The following PLCE1 variants were observed in gnomAD, a reference collection of about 807,000 sequenced individuals.
The protein encoded by PLCE1 is 1-phosphatidylinositol 4,5-bisphosphate phosphodiesterase epsilon-1.
In PLCE1, 119 loss-of-function variants were observed where a neutral mutation model predicts 242.8. The observed-to-expected ratio is 0.49, with a 90% CI of 0.42 to 0.57. The LOEUF (loss-of-function observed/expected upper bound fraction) is 0.57. Among genes scored for constraint, PLCE1 ranks in the 20% least tolerant of loss-of-function variants. The pLI is 0.00. For synonymous variants in PLCE1, 945 were observed against 1,017.4 expected, an observed-to-expected ratio of 0.93 and a Z score of 1.35; for missense variants, 2,441 against 2,788.8, an observed-to-expected ratio of 0.88 and a Z score of 2.81.
chr10:94,075,581 G>T (rs2044475972), intron 2 of PLCE1, among the ~76,000 whole-genome samples: 1 of 152,192 alleles, frequency 6.6e-6, no homozygotes. Context: ...GAAAGCATTG[G>T]TATCGGTGTC....
intron 4 of PLCE1, among the ~76,000 whole-genome samples, chr10:94,190,154 C>G (rs1282961755): frequency 3.3e-5 from 5 of 152,142 alleles, no homozygotes; most frequent in South Asian, 2.1e-4. Context: ...GTAGTGCCCC[C>G]CTGTGATCCC....
At chr10:94,108,576 G>C (rs536979956) in intron 2 of PLCE1, 2 of 152,378 alleles carry the variant, frequency 1.3e-5, no homozygotes, top group African/African-American at 4.8e-5. Context: ...GGTGCCTGCT[G>C]CATGGCGAAG....
chr10:94,014,084 C>G (rs1318906332), intron 1 of PLCE1, among the ~76,000 whole-genome samples: 1 of 152,120 alleles, frequency 6.6e-6, no homozygotes, highest in Non-Finnish European at 1.5e-5. Context: ...TATACACAGC[C>G]AGCTCAAAAC....
intron 2 of PLCE1, among the ~76,000 whole-genome samples, chr10:94,033,273 A>G (rs1288492462): frequency 1.3e-5 from 2 of 152,016 alleles, no homozygotes; most frequent in African/African-American, 2.4e-5. Flanking sequence ...ATACTTATGC[A>G]TATATTGGAT....
intron 1 of PLCE1, among the ~76,000 whole-genome samples, chr10:94,015,320 C>G (rs1419923205): frequency 6.6e-6 from 1 of 151,746 alleles, no homozygotes; most frequent in Non-Finnish European, 1.5e-5. Flanking sequence ...GGAAAGCAAC[C>G]AAGGTTATTA....
intron 1 of PLCE1, among the ~76,000 whole-genome samples, chr10:94,010,407 G>C (rs1304020642): frequency 6.6e-6 from 1 of 152,194 alleles, no homozygotes; most frequent in Non-Finnish European, 1.5e-5. Flanking sequence ...TTTTCCTGTT[G>C]TCTAGGATAT....
At chr10:94,018,903 A>G (rs114226502) in intron 1 of PLCE1, among the ~76,000 whole-genome samples, 74 of 152,328 alleles carry the variant, frequency 4.9e-4, no homozygotes, top group African/African-American at 1.7e-3. Context: ...AATATCCTAC[A>G]CAAAACAGTA....
At chr10:94,221,196 T>C (rs2049731697) in intron 4 of PLCE1, among the ~76,000 whole-genome samples, 1 of 152,218 alleles carries the variant, frequency 6.6e-6, no homozygotes, top group African/African-American at 2.4e-5. Flanking sequence ...GCCTGATTTC[T>C]CAGTCTGAGG....
At chr10:94,059,439 G>A (rs1176561249) in intron 2 of PLCE1, among the ~76,000 whole-genome samples, 2 of 152,178 alleles carry the variant, frequency 1.3e-5, no homozygotes, top group Non-Finnish European at 2.9e-5. Flanking sequence ...GAACCAGTGG[G>A]AACACCTGGG....
At chr10:94,188,325 C>G (rs993233865) in intron 4 of PLCE1, among the ~76,000 whole-genome samples, 3 of 152,094 alleles carry the variant, frequency 2.0e-5, no homozygotes, top group Admixed American at 6.6e-5. Context: ...TAATTTTTAG[C>G]TATGGAAACC....
intron 27 of PLCE1, among the ~76,000 whole-genome samples, chr10:94,311,933 A>G (rs1487209610): frequency 1.3e-5 from 2 of 152,132 alleles, no homozygotes; most frequent in Non-Finnish European, 2.9e-5. Context: ...AGACTCTTAG[A>G]AAGCAGAGAG....
intron 5 of PLCE1, among the ~76,000 whole-genome samples, chr10:94,232,131 G>C (rs754180512): frequency 6.6e-6 from 1 of 152,200 alleles, no homozygotes; most frequent in Non-Finnish European, 1.5e-5. Context: ...GGGAAGAATA[G>C]AGTATGTGCT....
At chr10:94,034,858 C>G (rs1206179505) in intron 2 of PLCE1, among the ~76,000 whole-genome samples, 1 of 152,162 alleles carries the variant, frequency 6.6e-6, no homozygotes, top group African/African-American at 2.4e-5. Context: ...TTGATCAGGA[C>G]ATTTCAGGAA....
intron 22 of PLCE1, among the ~76,000 whole-genome samples, chr10:94,287,844 G>A (rs1224437465): frequency 6.6e-6 from 1 of 151,750 alleles, no homozygotes; most frequent in South Asian, 2.1e-4. Context: ...TACATACACT[G>A]CCGTCTTTCT....
In PLCE1 at chr10:94,229,201, C is replaced by CAAAA. The variant is rs35857376; in HGVS notation, c.1955+1756_1955+1759dup. On this transcript the variant is annotated intron_variant, in intron 5 of 32. Coordinates refer to ENST00000371380, the MANE Select transcript of PLCE1 (RefSeq NM_016341.4). ...TGTATCAAAAAACAAAACAAACAAACAAAAAAAAACAGAAAAAAGAAAATA... is the reference window on the plus strand; with the variant it reads ...TGTATCAAAAAACAAAACAAACAAACAAAAAAAAAAAAACAGAAAAAAGAAAATA... Among the ~76,000 whole-genome samples the CAAAA allele has an allele frequency of 1.7e-3, 260 of 148,656 alleles. 3 individuals are homozygous for CAAAA. The highest frequency in any genetic ancestry group is 2.5e-3 in the Admixed American group (38 of 14,994).
At chr10:94,148,358 T>C (rs2047178607) in intron 3 of PLCE1, among the ~76,000 whole-genome samples, 1 of 152,170 alleles carries the variant, frequency 6.6e-6, no homozygotes, top group African/African-American at 2.4e-5. Context: ...CTGGAATGGA[T>C]GTCCTGGTTT....
In PLCE1 at chr10:94,331,296, A is replaced by G. The variant is rs1488315098; in HGVS notation, c.*3353A>G. 1 of 152,092 alleles carries G rather than the reference A, an allele frequency of 6.6e-6. No individual in the cohort carries two copies. The highest frequency in any genetic ancestry group is 1.9e-4 in the East Asian group (1 of 5,184). 9.4% of individuals were successfully genotyped at this position (152,092 alleles called of 1,614,324 possible). A position where few individuals can be genotyped will look rare whatever the true frequency, so the allele number is the denominator to read the frequency against. On this transcript the variant is annotated 3_prime_UTR_variant, in exon 33 of 33. Coordinates refer to ENST00000371380, the MANE Select transcript of PLCE1 (RefSeq NM_016341.4). ...CATTAATGAAAGTGGGCCCTCTATG[A>G]TATGTATCAATTTACCTTTTGCTAA...
chr10:94,317,302 C>A (rs988463320), intron 29 of PLCE1, among the ~76,000 whole-genome samples: 9 of 152,006 alleles, frequency 5.9e-5, no homozygotes, highest in Non-Finnish European at 1.3e-4. Context: ...TAAACTATTC[C>A]ATTTTAAAAA....
At chr10:94,076,846 C>A (rs2044518084) in intron 2 of PLCE1, among the ~76,000 whole-genome samples, 1 of 152,012 alleles carries the variant, frequency 6.6e-6, no homozygotes, top group South Asian at 2.1e-4. Context: ...TTACAAGACT[C>A]CTCCCGTCCC....
Sources: gnomAD v4.1 joint callset for allele counts (sites outside exome capture counted in the v4.1 genomes callset) on GRCh38, gnomAD v4.1.1 for gene constraint, MANE v1.5 for transcripts, NCBI Gene and HGNC (gene_info 2026-07-23, HGNC 2026-07-21) for gene names.